HRNR: variants seen among roughly 807,000 people sequenced by gnomAD.
HRNR encodes filaggrin family member 3.
In HRNR, 7 loss-of-function variants were observed where a neutral mutation model predicts 4.8. The observed-to-expected ratio is 1.47, with a 90% CI of 0.83 to 2.75. The LOEUF (loss-of-function observed/expected upper bound fraction) is 2.75, where lower values mean the gene tolerates loss of function less well. Ranked by LOEUF, HRNR falls within the 30% of genes most tolerant of loss-of-function variation. The probability of loss-of-function intolerance (pLI) is 0.00; values close to 1 mark genes in which losing one functional copy is unlikely to be tolerated. For synonymous variants in HRNR, 1,023 were observed against 1,242.7 expected (o/e 0.82, Z 3.72); for missense variants, 2,879 against 3,010.4 (o/e 0.96, Z 1.02).
In HRNR at chr1:152,219,237, T is replaced by C. The variant is rs748512793; in HGVS notation, c.2392A>G (p.Thr798Ala). The change falls in exon 3 of 3, where the codon ACA becomes GCA. Residue 798 changes from threonine (T) to alanine (A), a missense_variant. Around this residue, in one of 8 missense-constraint regions of HRNR, gnomAD observed 2,646 missense variants for 1,377.7 expected, o/e 1.92. Coordinates refer to ENST00000368801, the MANE Select transcript of HRNR (RefSeq NM_001009931.3). ...SSSHGQHGSG[T>A]SCSSSCGHYE... ...TGGCCACAGCTGGAAGAACAACTTG[T>C]GCCAGACCCGTGTTGGCCGTGGCTG... 1 of 1,612,438 alleles carries C rather than the reference T, an allele frequency of 6.2e-7. No homozygotes were observed. The highest frequency in any genetic ancestry group is 8.5e-7 in the Non-Finnish European group (1 of 1,179,552).
rs1432092915 is a variant in HRNR, at chr1:152,212,537, G to A, written c.*539C>T. 6.3e-6 allele frequency: 1 copy of A among 159,726 alleles called. No homozygotes were observed. Among genetic ancestry groups the A allele is most frequent in the Non-Finnish European group, 1.4e-5 (1 of 72,502 alleles). The allele number at this position is 159,726 out of a possible 1,614,324, so 9.9% of individuals were successfully genotyped here. ...AAAAAGGACTTGATGGTTTTGATAA[G>A]TAAAGACACTACCGCTGCTGCATCT... On this transcript the variant is annotated 3_prime_UTR_variant, in exon 3 of 3. Coordinates refer to ENST00000368801, the MANE Select transcript of HRNR (RefSeq NM_001009931.3).
rs1275675202 is a variant in HRNR at position 152,218,831 on chromosome 1, C to T, written c.2798G>A (p.Gly933Asp). The change falls in exon 3 of 3, where the codon GGT becomes GAT. Residue 933 changes from glycine to aspartate, a missense_variant. Physicochemically the swap from Gly to Asp is moderately conservative, Grantham distance 94 (BLOSUM62 -1). This residue lies in a region of HRNR where 2,646 missense variants were observed against 1,377.7 expected (regional missense o/e 1.92). Coordinates refer to ENST00000368801, the MANE Select transcript of HRNR (RefSeq NM_001009931.3). The stretch of plus-strand genomic sequence containing the variant: ...GGACTGCCCTGAGCTAGACTTGTGA[C>T]CAAAGCCAGAAGACTGGCCTGAGCC... ...GSGSGQSSGFGHKSSSGQSSG... is the reference protein window; with the variant it reads ...GSGSGQSSGFDHKSSSGQSSG... 1.2e-6 allele frequency: 2 copies of T among 1,613,878 alleles called. No individual in the cohort carries two copies. The highest frequency in any genetic ancestry group is 1.7e-6 in the Non-Finnish European group (2 of 1,179,988).
Position 152,221,072 on chromosome 1 carries a change from G to A in HRNR, c.557C>T (p.Ser186Phe), listed in dbSNP as rs774609477. ...SSSYGEQNSDSHQSSGRGQCG... is the reference protein window; with the variant it reads ...SSSYGEQNSDFHQSSGRGQCG... ...TTGGCCGCGGCCTGAAGACTGATGG[G>A]AGTCGGAGTTTTGCTCACCATAGCT... The change falls in exon 3 of 3, where the codon TCC becomes TTC. Residue 186 changes from serine to phenylalanine, a missense_variant. Transcript: ENST00000368801. 3 of 1,613,282 alleles carry A rather than the reference G, an allele frequency of 1.9e-6. No individual in the cohort carries two copies. In the African/African-American group the frequency reaches 4.0e-5, roughly 22 times the overall value.
In HRNR at chr1:152,213,214, T is replaced by G. The variant is rs1470940346; in HGVS notation, c.8415A>C (p.Ser2805=). Residue 2805 remains serine, a synonymous_variant, in exon 3 of 3, where the codon TCA becomes TCC. Transcript: ENST00000368801. The part of the protein sequence containing the change: ...SSGYSQHGSG[S]GQDGYSYCKG... ...TGCAATAAGAATACCCATCTTGCCC[T>G]GAGCCACTTCCATGCTGACTATAAC... 1 of 1,614,080 alleles carries G rather than the reference T, an allele frequency of 6.2e-7. No homozygotes were observed. Among genetic ancestry groups the G allele is most frequent in the Non-Finnish European group, 8.5e-7 (1 of 1,180,050 alleles).
rs146400284 is a variant in HRNR, at chr1:152,219,644, C to T, written c.1985G>A (p.Arg662His). Residue 662 changes from arginine to histidine, a missense_variant, in exon 3 of 3, where the codon CGC becomes CAC. Coordinates refer to ENST00000368801, the MANE Select transcript of HRNR (RefSeq NM_001009931.3). ...QGSGSGQSPSRGRHGSDFGHS... is the reference protein window; with the variant it reads ...QGSGSGQSPSHGRHGSDFGHS... ...CCCAAAATCGGACCCATGTCGGCCG[C>T]GACTAGGAGACTGGCCAGATCCAGA... is the stretch of plus-strand genomic sequence containing the variant. The T allele has an allele frequency of 1.1e-3, 1,724 of 1,612,854 alleles. No homozygotes were observed. Among genetic ancestry groups the T allele is most frequent in the Non-Finnish European group, 1.1e-3 (1,259 of 1,179,286 alleles).
At position 152,218,583 on chromosome 1, in the gene HRNR, A is replaced by T; in HGVS notation, c.3046T>A (p.Ser1016Thr). The T allele has an allele frequency of 6.2e-7, 1 of 1,613,524 alleles. No homozygotes were observed. Among genetic ancestry groups the T allele is most frequent in the Non-Finnish European group, 8.5e-7 (1 of 1,179,894 alleles). Residue 1016 changes from serine (S) to threonine (T), a missense_variant, in exon 3 of 3, where the codon TCT becomes ACT. Physicochemically the swap from Ser to Thr is moderately conservative, Grantham distance 58. This residue lies in a region of HRNR where 2,646 missense variants were observed against 1,377.7 expected (regional missense o/e 1.92). Coordinates refer to ENST00000368801, the MANE Select transcript of HRNR (RefSeq NM_001009931.3). ...SPSPSRGRHG[S>T]GSGQSSSYGP... ...TAGCTGGAAGACTGCCCGGAACCAG[A>T]CCCATGTCGGCCACGGCTAGGGCTA...
Position 152,218,485 on chromosome 1 carries a change from A to T in HRNR, c.3144T>A (p.Ser1048=). The T allele has an allele frequency of 6.2e-7, 1 of 1,613,726 alleles. No homozygotes were observed. The highest frequency in any genetic ancestry group is 8.5e-7 in the Non-Finnish European group (1 of 1,179,962). ...GPYESGSGHS[S]GLGHRESRSG... Reference sequence around the variant, plus strand: ...AGCGAGACTCTCGGTGACCTAAGCCAGAAGAGTGACCGGAGCCAGACTCAT... The same window carrying T: ...AGCGAGACTCTCGGTGACCTAAGCCTGAAGAGTGACCGGAGCCAGACTCAT... The change falls in exon 3 of 3, where the codon TCT becomes TCA. Residue 1048 remains serine, a synonymous_variant. Transcript: ENST00000368801.
At position 152,219,063 on chromosome 1, in the gene HRNR, G is replaced by T; in HGVS notation, c.2566C>A (p.Gln856Lys). 3 of 1,613,842 alleles carry T rather than the reference G, an allele frequency of 1.9e-6. No homozygotes were observed. Among genetic ancestry groups the T allele is most frequent in the African/African-American group, 1.3e-5 (1 of 74,876 alleles). Residue 856 changes from glutamine to lysine, a missense_variant, in exon 3 of 3, where the codon CAA (glutamine) becomes AAA (lysine). Physicochemically the swap from Gln to Lys is moderately conservative, Grantham distance 53. Transcript: ENST00000368801. ...STSGQSSSSG[Q>K]HDSSSGQSSS... ...GATTGACCTGAGCTAGAGTCATGTT[G>T]GCCGGAGCTTGATGACTGCCCTGAC...
chr1:152,219,362 C>A lies in HRNR; in HGVS notation c.2267G>T (p.Gly756Val). Reference sequence around the variant, plus strand: ...GCCCGAAGATTGATGGGAGCCCGACCCATGCTGACCATAGCTGGAAGACAA... The same window carrying A: ...GCCCGAAGATTGATGGGAGCCCGACACATGCTGACCATAGCTGGAAGACAA... ...SGLSSSYGQH[G>V]SGSHQSSGHG... The change falls in exon 3 of 3, where the codon GGG (glycine) becomes GTG (valine). Residue 756 changes from glycine to valine, a missense_variant. Transcript: ENST00000368801. 2 of 1,613,080 alleles carry A rather than the reference C, an allele frequency of 1.2e-6. No individual in the cohort carries two copies. The highest frequency in any genetic ancestry group is 1.7e-6 in the Non-Finnish European group (2 of 1,179,806).
At position 152,220,735 on chromosome 1, in the gene HRNR, T is replaced by A. The variant is rs748501120; in HGVS notation, c.894A>T (p.Arg298=). The stretch of plus-strand genomic sequence containing the variant: ...GAGACTGGCGAGATCCAGACCCTTG[T>A]CGGCCGTGGCCCAAAGACTGACGGG... ...SGSRQSLGHG[R]QGSGSRQSPS... is the part of the protein sequence containing the mutation. Residue 298 remains arginine (R), a synonymous_variant, in exon 3 of 3, where the codon CGA becomes CGT. Transcript: ENST00000368801. 4 of 1,613,748 alleles carry A rather than the reference T, an allele frequency of 2.5e-6. No homozygotes were observed. In the African/African-American group the frequency reaches 5.3e-5, roughly 22 times the overall value.
rs771679968 is a variant in HRNR at position 152,219,183 on chromosome 1, C to G, written c.2446G>C (p.Gly816Arg). The G allele has an allele frequency of 4.3e-6, 7 of 1,613,804 alleles. No homozygotes were observed. The highest frequency in any genetic ancestry group is 3.3e-5 in the South Asian group (3 of 91,078). Residue 816 changes from glycine to arginine, a missense_variant, in exon 3 of 3, where the codon GGT (glycine) becomes CGT (arginine). Gly to Arg is a moderately radical substitution (Grantham distance 125). Transcript: ENST00000368801. ...HYESGSGQASGFGQHESGSGQ... is the reference protein window; with the variant it reads ...HYESGSGQASRFGQHESGSGQ... ...GAGCCAGACTCGTGTTGCCCAAAAC[C>G]AGAAGCCTGGCCTGAGCCAGACTCA...
intron 2 of HRNR, among the ~76,000 whole-genome samples, 158 bp downstream of exon 2, chr1:152,222,958 G>A (rs1488929611): frequency 1.3e-5 from 2 of 152,118 alleles, no homozygotes; most frequent in African/African-American, 2.4e-5. Flanking sequence ...AAACCATCAC[G>A]GATCTGCTTT....
chr1:152,218,999 G>T lies in HRNR; in HGVS notation c.2630C>A (p.Ala877Asp), dbSNP rs147375651. 1.2e-6 allele frequency: 2 copies of T among 1,614,026 alleles called. No individual in the cohort carries two copies. The highest frequency in any genetic ancestry group is 2.2e-5 in the East Asian group (1 of 44,884). ...YGQHESASHH[A>D]SGRGRHGSGS... The stretch of plus-strand genomic sequence containing the variant: ...AGAGCCATGTCGGCCGCGGCCCGAA[G>T]CGTGATGGGAGGCAGACTCATGCTG... The change falls in exon 3 of 3, where the codon GCT becomes GAT. Residue 877 changes from alanine to aspartate, a missense_variant. Transcript: ENST00000368801.
intron 2 of HRNR, among the ~76,000 whole-genome samples, chr1:152,222,789 T>G (rs1433793482): frequency 6.6e-6 from 1 of 152,202 alleles, no homozygotes; most frequent in Non-Finnish European, 1.5e-5. Flanking sequence ...CTTTTGTGAT[T>G]CAGGAGTAAA....
In HRNR at chr1:152,220,422, G is replaced by C. The variant is rs550473784; in HGVS notation, c.1207C>G (p.His403Asp). 1 of 1,614,102 alleles carries C rather than the reference G, an allele frequency of 6.2e-7. No individual in the cohort carries two copies. Among genetic ancestry groups the C allele is most frequent in the Admixed American group, 1.7e-5 (1 of 60,024 alleles). Residue 403 changes from histidine (H) to aspartate (D), a missense_variant, in exon 3 of 3, where the codon CAT (histidine) becomes GAT (aspartate). Physicochemically the swap from His to Asp is moderately conservative, Grantham distance 81 (BLOSUM62 -1). Transcript: ENST00000368801. Reference protein sequence around the residue: ...SSRQSSSYGQHESASRHSSGR... With the variant: ...SSRQSSSYGQDESASRHSSGR... ...GAAGAGTGACGGGAGGCAGACTCAT[G>C]CTGACCATAGCTGGAAGACTGACGT...
rs138964182 is a variant in HRNR at position 152,219,996 on chromosome 1, G to T, written c.1633C>A (p.Arg545Ser). Reference sequence around the variant, plus strand: ...CTGGAACCAGACTCATGTCGGCCACGGCTAGGGCTAGGAGACTGGCCAGAT... The same window carrying T: ...CTGGAACCAGACTCATGTCGGCCACTGCTAGGGCTAGGAGACTGGCCAGAT... Reference protein sequence around the residue: ...SGSGQSPSPSRGRHESGSRQS... With the variant: ...SGSGQSPSPSSGRHESGSRQS... The change falls in exon 3 of 3, where the codon CGT becomes AGT. Residue 545 changes from arginine (R) to serine (S), a missense_variant. Physicochemically the swap from Arg to Ser is moderately radical, Grantham distance 110 (BLOSUM62 -1). This residue lies in a region of HRNR where 2,646 missense variants were observed against 1,377.7 expected (regional missense o/e 1.92). Transcript: ENST00000368801. 1.3e-4 allele frequency: 213 copies of T among 1,613,822 alleles called. No homozygotes were observed. The highest frequency in any genetic ancestry group is 1.8e-4 in the Non-Finnish European group (208 of 1,179,946).
Position 152,221,439 on chromosome 1 carries a change from C to T in HRNR, c.190G>A (p.Asp64Asn), listed in dbSNP as rs1477841369. The T allele has an allele frequency of 2.5e-6, 4 of 1,612,656 alleles. No individual in the cohort carries two copies. Among genetic ancestry groups the T allele is most frequent in the Admixed American group, 3.3e-5 (2 of 59,940 alleles). The change falls in exon 3 of 3, where the codon GAC becomes AAC. Residue 64 changes from aspartate (D) to asparagine (N), a missense_variant. Asp to Asn is a conservative substitution (Grantham distance 23, BLOSUM62 1). Around this residue, in one of 8 missense-constraint regions of HRNR, gnomAD observed 2,646 missense variants for 1,377.7 expected, o/e 1.92. Coordinates refer to ENST00000368801, the MANE Select transcript of HRNR (RefSeq NM_001009931.3). ...GTAAAATCCACTTTCTTGTTATGGT[C>T]TCGATCCAGACTTTGCAAGATGATA... ...VDIILQSLDR[D>N]HNKKVDFTEY...
Position 152,213,066 on chromosome 1 carries a change from T to G in HRNR, c.*10A>C. On this transcript the variant is annotated 3_prime_UTR_variant, in exon 3 of 3. Coordinates refer to ENST00000368801, the MANE Select transcript of HRNR (RefSeq NM_001009931.3). ...TTGCTACTTGAGTAAATTGCATTTA[T>G]GTTTATTATTCACTGATAAAAGTAG... 1 of 1,601,940 alleles carries G rather than the reference T, an allele frequency of 6.2e-7. No homozygotes were observed. Among genetic ancestry groups the G allele is most frequent in the Non-Finnish European group, 8.5e-7 (1 of 1,174,112 alleles).
chr1:152,212,965 C>A lies in HRNR; in HGVS notation c.*111G>T. On this transcript the variant is annotated 3_prime_UTR_variant, in exon 3 of 3. Coordinates refer to ENST00000368801, the MANE Select transcript of HRNR (RefSeq NM_001009931.3). The stretch of plus-strand genomic sequence containing the variant: ...AGAAAGAGACAGAAATGCATTGATT[C>A]ACTTTTAGAACGAATTTCATGATGG... 3 of 1,420,384 alleles carry A rather than the reference C, an allele frequency of 2.1e-6. No individual in the cohort carries two copies. Among genetic ancestry groups the A allele is most frequent in the Admixed American group, 2.4e-5 (1 of 41,296 alleles). The allele number at this position is 1,420,384 out of a possible 1,614,324, so 88.0% of individuals were successfully genotyped here.
Sources: allele counts gnomAD v4.1 joint callset (sites outside exome capture counted in the v4.1 genomes callset), GRCh38; gene constraint gnomAD v4.1.1; regional missense constraint gnomAD v4.1.1; transcripts MANE v1.5; gene names NCBI Gene and HGNC (gene_info 2026-07-23, HGNC 2026-07-21).